PTPRT: variants seen among roughly 807,000 people sequenced by gnomAD.
The protein encoded by PTPRT is protein tyrosine phosphatase receptor type T.
Under a neutral mutation model 176.8 loss-of-function variants are expected in PTPRT, and 56 were observed. That is an observed-to-expected ratio of 0.32 (90% CI 0.26 to 0.40). The LOEUF is 0.40. PTPRT is among the 10% of genes least tolerant of loss of function. PTPRT has a pLI of 1.00. For synonymous variants in PTPRT, 783 were observed against 739.0 expected (o/e 1.06, Z -0.96); for missense variants, 1,540 against 1,908.2 (o/e 0.81, Z 3.60).
chr20:42,381,524 T>G (rs2058698416), intron 9 of PTPRT, among the ~76,000 whole-genome samples: 1 of 152,150 alleles, frequency 6.6e-6, no homozygotes, highest in African/African-American at 2.4e-5. Context: ...ATAGTGTGGG[T>G]GAAAGATAAG....
rs182945136 is a variant in PTPRT at position 42,949,677 on chromosome 20, C to T, written c.89-63745G>A. ...AATTCATGACCCACAGAATCATGAA[C>T]ACATTAAACAGTTGTTGGTTTACAT... On this transcript the variant is annotated intron_variant, in intron 1 of 30. Transcript: ENST00000373187. Among the ~76,000 whole-genome samples the T allele has an allele frequency of 3.2e-3, 483 of 152,282 alleles. 4 individuals are homozygous for T. Among genetic ancestry groups the T allele is most frequent in the African/African-American group, 0.011 (453 of 41,558 alleles).
chr20:43,091,017 G>A (rs2011824383), intron 1 of PTPRT, among the ~76,000 whole-genome samples: 1 of 152,180 alleles, frequency 6.6e-6, no homozygotes, highest in Admixed American at 6.5e-5. Context: ...GATCACTTGA[G>A]GTCAGGAGTT....
At position 42,464,401 on chromosome 20, in the gene PTPRT, C is replaced by T. The variant is rs539267877; in HGVS notation, c.1450+7865G>A. 9.6e-4 allele frequency among the ~76,000 whole-genome samples: 146 copies of T among 152,140 alleles called. 1 individual carries two copies. Among genetic ancestry groups the T allele is most frequent in the Non-Finnish European group, 8.1e-4 (55 of 67,988 alleles). ...TAGAGAAAAATAAAACAGAGAACAG[C>T]GGTAGAGGTTTTGGCCAGGTATAGA... is the stretch of plus-strand genomic sequence containing the variant. On this transcript the variant is annotated intron_variant, in intron 8 of 30. Coordinates refer to ENST00000373187, the MANE Select transcript of PTPRT (RefSeq NM_007050.6).
At chr20:42,242,289 T>C (rs1259791129) in intron 14 of PTPRT, among the ~76,000 whole-genome samples, 1 of 152,230 alleles carries the variant, frequency 6.6e-6, no homozygotes, top group African/African-American at 2.4e-5. Context: ...AGCTCTCTTG[T>C]ATAATCCATA....
chr20:43,091,363 G>A (rs1050553116), intron 1 of PTPRT, among the ~76,000 whole-genome samples: 3 of 151,952 alleles, frequency 2.0e-5, no homozygotes, highest in Non-Finnish European at 4.4e-5. Context: ...GTTAGAAGAC[G>A]ACTGGATGTA....
At chr20:42,516,470 T>C (rs1322046573) in intron 7 of PTPRT, among the ~76,000 whole-genome samples, 1 of 152,172 alleles carries the variant, frequency 6.6e-6, no homozygotes. Context: ...ATGTTGAATA[T>C]GGCTACAGCT....
At chr20:42,220,113 A>G (rs1433785880) in intron 15 of PTPRT, among the ~76,000 whole-genome samples, 1 of 152,110 alleles carries the variant, frequency 6.6e-6, no homozygotes, top group African/African-American at 2.4e-5. Flanking sequence ...TTAGAATCTG[A>G]ATTTTCATAA....
At chr20:43,015,217 T>G (rs1195573097) in intron 1 of PTPRT, among the ~76,000 whole-genome samples, 1 of 152,200 alleles carries the variant, frequency 6.6e-6, no homozygotes, top group African/African-American at 2.4e-5. Context: ...CAGAATCAGA[T>G]AGACCAGAGT....
intron 6 of PTPRT, among the ~76,000 whole-genome samples, chr20:42,742,323 C>A (rs4810371): frequency 5.9e-5 from 9 of 152,088 alleles, no homozygotes; most frequent in African/African-American, 2.2e-4. Flanking sequence ...AGAAGGGCCA[C>A]GGTAACAGAC....
intron 7 of PTPRT, among the ~76,000 whole-genome samples, chr20:42,600,944 C>A (rs2073769925): frequency 6.6e-6 from 1 of 152,122 alleles, no homozygotes; most frequent in Non-Finnish European, 1.5e-5. Context: ...CAATCTTCAA[C>A]CCCTTTCTAA....
rs1228850339 is a variant in PTPRT at position 43,189,608 on chromosome 20, G to C, written c.88+38C>G. 11 of 1,202,080 alleles carry C rather than the reference G, an allele frequency of 9.2e-6. No individual in the cohort carries two copies. The highest frequency in any genetic ancestry group is 1.1e-5 in the Non-Finnish European group (11 of 962,162). The allele number at this position is 1,202,080 out of a possible 1,614,324, so 74.5% of individuals were successfully genotyped here. A position where few individuals can be genotyped will look rare whatever the true frequency, so the allele number is the denominator to read the frequency against. ...TGGGGGCCCGCGCGCATCCAGGAGG[G>C]AGCGGGGAGCCCAGGGGAGCCGGGC... On this transcript the variant is annotated intron_variant, in intron 1 of 30. Coordinates refer to ENST00000373187, the MANE Select transcript of PTPRT (RefSeq NM_007050.6). The surrounding 1 kb of genome is among the most constrained non-coding windows in gnomAD (Gnocchi z 5.0).
At chr20:42,997,345 C>A (rs143529762) in intron 1 of PTPRT, among the ~76,000 whole-genome samples, 17 of 152,172 alleles carry the variant, frequency 1.1e-4, no homozygotes, top group African/African-American at 3.8e-4. Context: ...AGCCAGGTAG[C>A]CTCTTCCTGG....
chr20:42,299,822 T>C (rs1240197862), intron 12 of PTPRT, among the ~76,000 whole-genome samples: 3 of 151,740 alleles, frequency 2.0e-5, no homozygotes, highest in Non-Finnish European at 4.4e-5. Flanking sequence ...TAATTTTTTG[T>C]ATTTTTAGTA....
At chr20:42,995,898 C>A (rs1205332252) in intron 1 of PTPRT, among the ~76,000 whole-genome samples, 2 of 152,142 alleles carry the variant, frequency 1.3e-5, no homozygotes. Context: ...CTCACTGCAG[C>A]CTCGACTCCT....
rs556208240 is a variant in PTPRT at position 42,852,361 on chromosome 20, C to T, written c.214+33446G>A. On this transcript the variant is annotated intron_variant, in intron 2 of 30. Transcript: ENST00000373187. ...TTCCTGCATTTTTTTTATCTTCATC[C>T]CAAGCTTTAAAAGATATTCTGTCCT... Among the ~76,000 whole-genome samples, 4 of 152,070 alleles carry T rather than the reference C, an allele frequency of 2.6e-5. No individual in the cohort carries two copies. The East Asian group carries it at 7.7e-4, about 29-fold the overall frequency.
At chr20:42,439,289 A>C (rs1268519854) in intron 9 of PTPRT, among the ~76,000 whole-genome samples, 3 of 152,194 alleles carry the variant, frequency 2.0e-5, no homozygotes, top group Non-Finnish European at 2.9e-5. Context: ...CTCACAAAAA[A>C]AACCACAACA....
intron 7 of PTPRT, among the ~76,000 whole-genome samples, chr20:42,578,263 A>C (rs1444999450): frequency 6.6e-6 from 1 of 151,990 alleles, no homozygotes; most frequent in Non-Finnish European, 1.5e-5. Context: ...TCCAGGACAC[A>C]CTCTATTATT....
intron 6 of PTPRT, among the ~76,000 whole-genome samples, chr20:42,732,442 C>A (rs1187051053): frequency 1.3e-5 from 2 of 152,144 alleles, no homozygotes; most frequent in African/African-American, 4.8e-5. Flanking sequence ...GTGAACAATG[C>A]ATATTTTAAA....
At position 42,080,582 on chromosome 20, in the gene PTPRT, G is replaced by C. The variant is rs1983223368; in HGVS notation, c.*297C>G. 3.0e-6 allele frequency: 1 copy of C among 336,440 alleles called. No individual in the cohort carries two copies. The highest frequency in any genetic ancestry group is 4.9e-5 in the East Asian group (1 of 20,464). 20.8% of individuals were successfully genotyped at this position (336,440 alleles called of 1,614,324 possible). A position where few individuals can be genotyped will look rare whatever the true frequency, so the allele number is the denominator to read the frequency against. ...CCACAAACTCAGAACAAAAGCAGGT[G>C]GTCTGGGAGCCAGAAATCCAAGGCC... is the stretch of plus-strand genomic sequence containing the variant. On this transcript the variant is annotated 3_prime_UTR_variant, in exon 31 of 31. Transcript: ENST00000373187.
Sources: gnomAD v4.1 joint callset for allele counts (sites outside exome capture counted in the v4.1 genomes callset) on GRCh38, gnomAD v4.1.1 for gene constraint, Gnocchi (gnomAD v3.1) non-coding constraint, MANE v1.5 for transcripts, NCBI Gene and HGNC (gene_info 2026-07-23, HGNC 2026-07-21) for gene names.